SLC8A1: variants seen among roughly 807,000 people sequenced by gnomAD.
SLC8A1 encodes sodium/calcium exchanger 1.
Under a neutral mutation model 68.3 loss-of-function variants are expected in SLC8A1, and 18 were observed. That is an observed-to-expected ratio of 0.26 (90% CI 0.18 to 0.39). The LOEUF (loss-of-function observed/expected upper bound fraction) is 0.39. SLC8A1 is among the 10% of genes least tolerant of loss of function. SLC8A1 has a pLI of 1.00. For missense variants in SLC8A1, 985 were observed against 1,156.7 expected (o/e 0.85, Z 2.15); for synonymous variants, 475 against 415.5 (o/e 1.14, Z -1.74).
At chr2:40,215,337 T>G (rs1402711134) in intron 2 of SLC8A1, among the ~76,000 whole-genome samples, 1 of 151,910 alleles carries the variant, frequency 6.6e-6, no homozygotes, top group African/African-American at 2.4e-5. Context: ...AACTAATTTT[T>G]TAAAAAATGT....
chr2:40,342,653 T>G (rs1485694439), intron 2 of SLC8A1, among the ~76,000 whole-genome samples: 1 of 152,148 alleles, frequency 6.6e-6, no homozygotes, highest in African/African-American at 2.4e-5. Flanking sequence ...TTAGGGAACT[T>G]ATTTAAAAAG....
intron 2 of SLC8A1, among the ~76,000 whole-genome samples, chr2:40,350,817 G>C (rs562153828): frequency 6.6e-6 from 1 of 152,038 alleles, no homozygotes; most frequent in South Asian, 2.1e-4. Flanking sequence ...AGAATGTGTA[G>C]TAGGCACTCT....
At chr2:40,376,213 G>C (rs1053026145) in intron 2 of SLC8A1, among the ~76,000 whole-genome samples, 1 of 151,916 alleles carries the variant, frequency 6.6e-6, no homozygotes, top group Admixed American at 6.6e-5. Context: ...TAGTATTTGT[G>C]GCCAACCTTA....
At chr2:40,198,139 T>G (rs2053450997) in intron 2 of SLC8A1, among the ~76,000 whole-genome samples, 1 of 151,980 alleles carries the variant, frequency 6.6e-6, no homozygotes, top group Admixed American at 6.6e-5. Context: ...ATGAATATCT[T>G]ATTTTTCTAA....
intron 2 of SLC8A1, among the ~76,000 whole-genome samples, chr2:40,373,534 TC>T (rs1320455576): frequency 6.6e-6 from 1 of 152,102 alleles, no homozygotes; most frequent in African/African-American, 2.4e-5. Flanking sequence ...CTCTTGAGTA[TC>T]TATTTTAAGC....
intron 7 of SLC8A1, chr2:40,118,607 G>GTTTTTTTTTTT (rs67851517): frequency 1.3e-5 from 1 of 74,712 alleles, no homozygotes; most frequent in Non-Finnish European, 2.3e-5. Context: ...AAAAAAGGAA[G>GTTTTTTTTTTT]TTTTTTTTTT....
chr2:40,471,257 G>A (rs1198596551), intron 1 of SLC8A1, among the ~76,000 whole-genome samples: 4 of 152,156 alleles, frequency 2.6e-5, no homozygotes, highest in African/African-American at 7.2e-5. Flanking sequence ...AAGCAGGGCC[G>A]TGGACCCAGG....
intron 2 of SLC8A1, among the ~76,000 whole-genome samples, chr2:40,335,041 A>G (rs1665489040): frequency 6.6e-6 from 1 of 152,182 alleles, no homozygotes; most frequent in African/African-American, 2.4e-5. Flanking sequence ...CTCATTCTCC[A>G]AAGAGGTCAT....
At chr2:40,170,332 T>G (rs1341843775) in intron 4 of SLC8A1, 1 of 1,614,106 alleles carries the variant, frequency 6.2e-7, no homozygotes. Context: ...GCATGAACCT[T>G]CCTGAAGACA....
intron 2 of SLC8A1, among the ~76,000 whole-genome samples, chr2:40,317,692 T>C (rs1317114891): frequency 1.3e-5 from 2 of 152,078 alleles, no homozygotes; most frequent in Non-Finnish European, 2.9e-5. Flanking sequence ...AATTTGTAAT[T>C]AGGACACACA....
intron 2 of SLC8A1, among the ~76,000 whole-genome samples, chr2:40,272,101 G>A (rs113032996): frequency 9.3e-4 from 141 of 152,066 alleles, no homozygotes; most frequent in African/African-American, 3.2e-3. Flanking sequence ...ACGCCTGGTC[G>A]CAAATGCTCC....
intron 2 of SLC8A1, among the ~76,000 whole-genome samples, chr2:40,352,811 G>A (rs1044411821): frequency 7.9e-5 from 12 of 152,106 alleles, no homozygotes; most frequent in East Asian, 1.9e-4. Context: ...AGGATTCCAC[G>A]TTACTAAGGA....
chr2:40,325,777 CAAAAAAAAAA>C lies in SLC8A1; in HGVS notation c.1808+102686_1808+102695del, dbSNP rs3059526. ...TGAAACCCTGTCTCTACTAAAAATA[CAAAAAAAAAA>C]AAAAAAAAAAAAAAAAAGTAGCTGA... On this transcript the variant is annotated intron_variant, in intron 2 of 7. Coordinates refer to ENST00000406785, the Ensembl canonical transcript of SLC8A1. Among the ~76,000 whole-genome samples, 162 of 45,014 alleles carry C rather than the reference CAAAAAAAAAA, an allele frequency of 3.6e-3. 3 individuals carry two copies. Among genetic ancestry groups the C allele is most frequent in the African/African-American group, 0.012 (152 of 12,510 alleles). The allele number at this position is 45,014 out of a possible 152,430, so 29.5% of individuals were successfully genotyped here.
At chr2:40,138,985 A>G (rs530937505) in intron 7 of SLC8A1, among the ~76,000 whole-genome samples, 2 of 152,312 alleles carry the variant, frequency 1.3e-5, no homozygotes, top group East Asian at 3.9e-4. Context: ...TTTCCTAGTT[A>G]CCTAAATGAA....
chr2:40,137,568 A>T (rs1215723651), intron 7 of SLC8A1, among the ~76,000 whole-genome samples: 1 of 152,196 alleles, frequency 6.6e-6, no homozygotes, highest in African/African-American at 2.4e-5. Context: ...AGCAACGGAC[A>T]ACCACAATGT....
At chr2:40,469,870 G>A (rs80326443) in intron 1 of SLC8A1, among the ~76,000 whole-genome samples, 3,140 of 152,148 alleles carry the variant, frequency 0.021, 133 homozygotes, top group Admixed American at 0.096. Context: ...AACTTGATTC[G>A]TTTATTATAA....
chr2:40,199,911 G>C (rs1363006872), intron 2 of SLC8A1, among the ~76,000 whole-genome samples: 1 of 151,134 alleles, frequency 6.6e-6, no homozygotes, highest in East Asian at 2.0e-4. Flanking sequence ...CATTCATCCT[G>C]ATAGAGATTG....
At chr2:40,459,557 T>A (rs1039893131) in intron 1 of SLC8A1, among the ~76,000 whole-genome samples, 9 of 152,192 alleles carry the variant, frequency 5.9e-5, no homozygotes, top group African/African-American at 2.2e-4. Context: ...AAAGACAGAC[T>A]GCCACCAGGG....
intron 2 of SLC8A1, among the ~76,000 whole-genome samples, chr2:40,395,389 G>A (rs192359509): frequency 5.9e-5 from 9 of 152,152 alleles, no homozygotes; most frequent in Admixed American, 4.6e-4. Context: ...CTGTGTGCAG[G>A]CCCCTCTTAT....
Sources: allele counts gnomAD v4.1 joint callset (sites outside exome capture counted in the v4.1 genomes callset), GRCh38; gene constraint gnomAD v4.1.1; transcripts MANE v1.5; gene names NCBI Gene and HGNC (gene_info 2026-07-23, HGNC 2026-07-21).